The following PDLIM7 variants were observed in gnomAD, a reference collection of about 807,000 sequenced individuals.
PDLIM7 encodes PDZ and LIM domain protein 7.
PDLIM7 carries 37 observed loss-of-function variants against 53.9 expected under a neutral mutation model. That is an observed-to-expected ratio of 0.69 (90% CI 0.53 to 0.90). The LOEUF (loss-of-function observed/expected upper bound fraction) is 0.90, where lower values mean the gene tolerates loss of function less well. Among genes scored for constraint, PDLIM7 ranks in the 40% least tolerant of loss-of-function variants. The pLI, the probability that PDLIM7 is intolerant of heterozygous loss-of-function variation, is 0.00. For synonymous variants in PDLIM7, 300 were observed against 261.3 expected, an observed-to-expected ratio of 1.15 and a Z score of -1.43; for missense variants, 617 against 638.5, an observed-to-expected ratio of 0.97 and a Z score of 0.36.
intron 2 of PDLIM7, chr5:177,492,960 A>T: frequency 2.2e-6 from 1 of 445,680 alleles, no homozygotes. Flanking sequence ...ATGCTTATCT[A>T]TTCACCGCCA....
Position 177,489,505 on chromosome 5 carries a change from T to G in PDLIM7, c.757A>C (p.Thr253Pro). ...ATGGAGGTGCGGCTCTGCAGCGGCGTGGGCGTGGCCGGCTGGCTGTGCCGG... is the reference window on the plus strand; with the variant it reads ...ATGGAGGTGCGGCTCTGCAGCGGCGGGGGCGTGGCCGGCTGGCTGTGCCGG... ...LTRHSQPATPTPLQSRTSIVQ... is the reference protein window; with the variant it reads ...LTRHSQPATPPPLQSRTSIVQ... Residue 253 changes from threonine to proline, a missense_variant, in exon 9 of 13, where the codon ACG (threonine) becomes CCG (proline). By Grantham distance (38) the Thr-to-Pro change is conservative (BLOSUM62 -1). Transcript: ENST00000355841. The G allele has an allele frequency of 6.2e-7, 1 of 1,609,038 alleles. No individual in the cohort carries two copies. Among genetic ancestry groups the G allele is most frequent in the Non-Finnish European group, 8.5e-7 (1 of 1,178,470 alleles).
At chr5:177,490,026 C>T (rs1428461101) in intron 7 of PDLIM7, 194 bp from the exon 8 acceptor site, 7 of 1,534,134 alleles carry the variant, frequency 4.6e-6, no homozygotes, top group Middle Eastern at 1.7e-4. Context: ...GGTGTGCGGT[C>T]TCTAGCTGGG....
chr5:177,488,975 T>TG (rs2127411792), intron 9 of PDLIM7, among the ~76,000 whole-genome samples: 1 of 151,140 alleles, frequency 6.6e-6, no homozygotes, highest in South Asian at 2.1e-4. Flanking sequence ...ACGCTGATGC[T>TG]GGGGGGTGTT....
At position 177,491,824 on chromosome 5, in the gene PDLIM7, G is replaced by A; in HGVS notation, c.381C>T (p.Ser127=). Residue 127 remains serine (S), a synonymous_variant, in exon 5 of 13, where the codon AGC becomes AGT. Transcript: ENST00000355841. ...CGACGTACCCATTCTGCTGCGGGGC[G>A]CTGTCAGCGGGCGGGGGCGCCCCAA... ...RPFGAPPPAD[S]APQQNGQPLR... is the part of the protein sequence containing the mutation. 1 of 1,281,002 alleles carries A rather than the reference G, an allele frequency of 7.8e-7. No individual in the cohort carries two copies. Among genetic ancestry groups the A allele is most frequent in the Non-Finnish European group, 9.9e-7 (1 of 1,009,044 alleles). 79.4% of individuals were successfully genotyped at this position (1,281,002 alleles called of 1,614,324 possible).
At position 177,492,366 on chromosome 5, in the gene PDLIM7, A is replaced by ACACCGCC. The variant is rs1758839799; in HGVS notation, c.279+32_279+38dup. On this transcript the variant is annotated intron_variant, in intron 4 of 12. Transcript: ENST00000355841. Reference sequence around the variant, plus strand: ...CGAGCAGGCCTGGCCGTCCAAGCCCACACCGCCCACCGCCCGGATGTCCCG... The same window carrying ACACCGCC: ...CGAGCAGGCCTGGCCGTCCAAGCCCACACCGCCCACCGCCCACCGCCCGGATGTCCCG... The ACACCGCC allele has an allele frequency of 5.6e-6, 9 of 1,609,490 alleles. No homozygotes were observed. The South Asian group carries it at 7.7e-5, about 14-fold the overall frequency.
intron 9 of PDLIM7, among the ~76,000 whole-genome samples, chr5:177,488,689 G>C (rs1267867623): frequency 6.6e-6 from 1 of 152,148 alleles, no homozygotes; most frequent in Admixed American, 6.5e-5. Context: ...TGAGGAGTTT[G>C]AGACCAGCCT....
chr5:177,486,878 A>G lies in PDLIM7; in HGVS notation c.1050+1190T>C, dbSNP rs549852086. Among the ~76,000 whole-genome samples the G allele has an allele frequency of 5.0e-4, 69 of 137,480 alleles. 1 individual carries two copies. The highest frequency in any genetic ancestry group is 1.3e-3 in the African/African-American group (48 of 36,420). 90.2% of individuals were successfully genotyped at this position (137,480 alleles called of 152,430 possible). On this transcript the variant is annotated intron_variant, in intron 10 of 12. Coordinates refer to ENST00000355841, the MANE Select transcript of PDLIM7 (RefSeq NM_005451.5). ...AATCTCCTGACCTCGTGATCCGCCCATCTCGGCCTCCCAAAGTGCTGGGAT... is the reference window on the plus strand; with the variant it reads ...AATCTCCTGACCTCGTGATCCGCCCGTCTCGGCCTCCCAAAGTGCTGGGAT...
At chr5:177,489,685 G>T (rs2127412226) in intron 8 of PDLIM7, 58 bp from the exon 9 acceptor site, 1 of 1,493,494 alleles carries the variant, frequency 6.7e-7, no homozygotes, top group East Asian at 2.4e-5. Flanking sequence ...CGGGGGTGGA[G>T]CCCCAGGCAG....
In PDLIM7 at chr5:177,483,654, G is replaced by A. The variant is rs1444980108; in HGVS notation, c.1364C>T (p.Ser455Phe). 6.2e-7 allele frequency: 1 copy of A among 1,609,466 alleles called. No homozygotes were observed. Among genetic ancestry groups the A allele is most frequent in the Admixed American group, 1.7e-5 (1 of 59,948 alleles). Residue 455 changes from serine to phenylalanine, a missense_variant, in exon 13 of 13, where the codon TCT becomes TTT. Physicochemically the swap from Ser to Phe is radical, Grantham distance 155. Coordinates refer to ENST00000355841, the MANE Select transcript of PDLIM7 (RefSeq NM_005451.5). ...DRPLCKSHAF[S>F]HV ...GTGGGCAGAAGGGGCTCACACATGA[G>A]AGAAGGCATGGCTCTTGCAGAGAGG... is the stretch of plus-strand genomic sequence containing the variant.
intron 9 of PDLIM7, 35 bp from the exon 10 acceptor site, chr5:177,488,283 C>G (rs368309950): frequency 6.5e-7 from 1 of 1,546,424 alleles, no homozygotes. Flanking sequence ...AGGGAGCACA[C>G]GCAGAGAGGT....
rs539562494 is a variant in PDLIM7, at chr5:177,492,547, C to T, written c.227G>A (p.Arg76His). ...AQNKIRACGE[R>H]LSLGLSRAQP... The stretch of plus-strand genomic sequence containing the variant: ...ATACCTGCTGAGGCCCAGGCTGAGG[C>T]GCTCCCCGCAGGCCCGGATCTTGTT... Residue 76 changes from arginine (R) to histidine (H), a missense_variant, in exon 3 of 13, where the codon CGC (arginine) becomes CAC (histidine). Transcript: ENST00000355841. The T allele has an allele frequency of 5.6e-6, 9 of 1,613,610 alleles. No individual in the cohort carries two copies. The East Asian group carries it at 6.7e-5, about 12-fold the overall frequency.
At chr5:177,486,920 C>T (rs1405512164) in intron 10 of PDLIM7, among the ~76,000 whole-genome samples, 12 of 136,234 alleles carry the variant, frequency 8.8e-5, no homozygotes, top group African/African-American at 2.5e-4. Flanking sequence ...TGTGAGCCAC[C>T]GTGCCTGGCC....
intron 7 of PDLIM7, 34 bp downstream of exon 7, chr5:177,490,836 G>T: frequency 1.2e-6 from 2 of 1,612,418 alleles, no homozygotes; most frequent in Non-Finnish European, 1.7e-6. Flanking sequence ...GAAGAGGCAG[G>T]AGGTGGGAGA....
intron 10 of PDLIM7, among the ~76,000 whole-genome samples, chr5:177,486,615 C>T (rs1338095571): frequency 6.6e-6 from 1 of 152,056 alleles, no homozygotes; most frequent in South Asian, 2.1e-4. Context: ...GGGCAGGAGC[C>T]CAAGGCTGGG....
intron 5 of PDLIM7, 134 bp from the exon 6 acceptor site, chr5:177,491,280 C>A (rs1210660548): frequency 1.4e-6 from 2 of 1,440,296 alleles, no homozygotes; most frequent in East Asian, 4.9e-5. Flanking sequence ...AGGAGCCCTG[C>A]TGGGCGGGTA....
chr5:177,488,170 T>C lies in PDLIM7; in HGVS notation c.948A>G (p.Glu316=), dbSNP rs540838171. 1 of 1,613,504 alleles carries C rather than the reference T, an allele frequency of 6.2e-7. No homozygotes were observed. Among genetic ancestry groups the C allele is most frequent in the African/African-American group, 1.3e-5 (1 of 75,050 alleles). Residue 316 remains glutamate, a synonymous_variant, in exon 10 of 13, where the codon GAA becomes GAG. Coordinates refer to ENST00000355841, the MANE Select transcript of PDLIM7 (RefSeq NM_005451.5). ...FVCSQCGKVL[E]EGGFFEEKGA... ...CCTTCTCCTCAAAGAAGCCACCCTC[T>C]TCCAGGACCTTCCCACACTGGCTAC... is the stretch of plus-strand genomic sequence containing the variant.
chr5:177,486,447 A>T (rs568899262), intron 10 of PDLIM7, among the ~76,000 whole-genome samples: 1 of 152,208 alleles, frequency 6.6e-6, no homozygotes, highest in East Asian at 1.9e-4. Context: ...CTGCTCACAC[A>T]GCCAGTAGAT....
intron 5 of PDLIM7, 138 bp downstream of exon 5, chr5:177,491,669 C>G: frequency 1.6e-6 from 1 of 614,826 alleles, no homozygotes. Flanking sequence ...GCCTGCAGCC[C>G]CACCCCGGCC....
intron 10 of PDLIM7, among the ~76,000 whole-genome samples, chr5:177,486,358 A>C (rs949665648): frequency 2.0e-5 from 3 of 152,210 alleles, no homozygotes; most frequent in Non-Finnish European, 1.5e-5. Context: ...ACCCCATCTT[A>C]CATCTACCTT....
Sources: gnomAD v4.1 joint callset for allele counts (sites outside exome capture counted in the v4.1 genomes callset) on GRCh38, gnomAD v4.1.1 for gene constraint, MANE v1.5 for transcripts, NCBI Gene and HGNC (gene_info 2026-07-23, HGNC 2026-07-21) for gene names.